Variants in UGGT1 observed in about 807,000 individuals in gnomAD.
The protein encoded by UGGT1 is UDP-glucose:glycoprotein glucosyltransferase 1.
In UGGT1, 107 loss-of-function variants were observed where a neutral mutation model predicts 203.9. That is an observed-to-expected ratio of 0.52 (90% CI 0.45 to 0.62). The LOEUF is 0.62. UGGT1 is among the 20% of genes least tolerant of loss of function. The pLI, the probability that UGGT1 is intolerant of heterozygous loss-of-function variation, is 0.00. For missense variants in UGGT1, 1,673 were observed against 1,867.2 expected, an observed-to-expected ratio of 0.90 and a Z score of 1.92; for synonymous variants, 628 against 653.5, an observed-to-expected ratio of 0.96 and a Z score of 0.59.
intron 4 of UGGT1, 21 bp from the exon 5 acceptor site, chr2:128,109,613 G>A (rs771067308): frequency 6.1e-5 from 96 of 1,574,624 alleles, no homozygotes; most frequent in Non-Finnish European, 6.6e-5. Context: ...TAAAAAGTAT[G>A]TGTTGTGTCT....
At chr2:128,151,629 G>A (rs909302030) in intron 18 of UGGT1, among the ~76,000 whole-genome samples, 1 of 152,116 alleles carries the variant, frequency 6.6e-6, no homozygotes, top group Non-Finnish European at 1.5e-5. Flanking sequence ...ATGACTTCAG[G>A]TCGGGCACGG....
At chr2:128,132,905 T>C (rs1688951454) in intron 13 of UGGT1, among the ~76,000 whole-genome samples, 1 of 151,960 alleles carries the variant, frequency 6.6e-6, no homozygotes. Flanking sequence ...GGGGGTCTCA[T>C]AATATTGCCC....
intron 6 of UGGT1, among the ~76,000 whole-genome samples, chr2:128,114,431 T>C (rs1688002838): frequency 6.6e-6 from 1 of 152,124 alleles, no homozygotes; most frequent in Non-Finnish European, 1.5e-5. Context: ...AAATTTTAAA[T>C]GAAAATTTGT....
intron 25 of UGGT1, among the ~76,000 whole-genome samples, chr2:128,163,284 A>G (rs1384824500): frequency 8.2e-6 from 1 of 122,226 alleles, no homozygotes; most frequent in Non-Finnish European, 1.8e-5. Context: ...TAGGAAATGT[A>G]TGTAGGCTTA....
Position 128,165,225 on chromosome 2 carries a change from G to A in UGGT1, c.2921+400G>A, listed in dbSNP as rs1328341754. On this transcript the variant is annotated intron_variant, in intron 26 of 40. Coordinates refer to ENST00000259253, the MANE Select transcript of UGGT1 (RefSeq NM_020120.4). ...GAGGATCGCTTGAGCCCAGAAGCTC[G>A]AGACCAGCAAACAAAGGGAGACCCT... Among the ~76,000 whole-genome samples the A allele has an allele frequency of 3.3e-5, 5 of 152,270 alleles. No homozygotes were observed. The South Asian group carries it at 6.2e-4, about 19-fold the overall frequency.
intron 39 of UGGT1, 144 bp from the exon 40 acceptor site, chr2:128,187,305 A>T: frequency 1.2e-6 from 1 of 832,532 alleles, no homozygotes; most frequent in Non-Finnish European, 1.8e-6. Flanking sequence ...ATAGCCCACT[A>T]CCATATTGCT....
intron 16 of UGGT1, among the ~76,000 whole-genome samples, chr2:128,142,601 A>G (rs910805390): frequency 6.6e-6 from 1 of 150,472 alleles, no homozygotes; most frequent in African/African-American, 2.4e-5. Context: ...AAAAAAAAAA[A>G]GAATATTTAA....
chr2:128,144,356 A>G (rs1378450713), intron 17 of UGGT1, among the ~76,000 whole-genome samples: 4 of 152,142 alleles, frequency 2.6e-5, no homozygotes, highest in Admixed American at 1.3e-4. Flanking sequence ...CTTGTAAACT[A>G]TTTCTGAGTG....
chr2:128,091,393 C>T lies in UGGT1; in HGVS notation c.36C>T (p.Ala12=). 2 of 1,578,286 alleles carry T rather than the reference C, an allele frequency of 1.3e-6. No homozygotes were observed. Among genetic ancestry groups the T allele is most frequent in the African/African-American group, 1.3e-5 (1 of 74,302 alleles). The part of the protein sequence containing the change: ...GCKGDASGAC[A]AGALPVTGVC... ...AGGGAGACGCGAGCGGTGCGTGTGC[C>T]GCGGGTGCGCTGCCGGTGACAGGTA... Residue 12 remains alanine (A), a synonymous_variant, in exon 1 of 41, where the codon GCC becomes GCT. Coordinates refer to ENST00000259253, the MANE Select transcript of UGGT1 (RefSeq NM_020120.4).
intron 22 of UGGT1, 139 bp from the exon 23 acceptor site, chr2:128,159,375 A>G (rs1371008637): frequency 4.0e-6 from 3 of 757,132 alleles, no homozygotes; most frequent in Non-Finnish European, 6.4e-6. Flanking sequence ...CTGGGATTAC[A>G]GGCATGAGCC....
At chr2:128,098,738 G>C (rs1047037082) in intron 2 of UGGT1, among the ~76,000 whole-genome samples, 24 of 142,744 alleles carry the variant, frequency 1.7e-4, no homozygotes, top group African/African-American at 6.1e-4. Flanking sequence ...AGCAGAGCAA[G>C]ACTCCGTCTC....
Position 128,163,629 on chromosome 2 carries a change from G to C in UGGT1, c.2826-1101G>C, listed in dbSNP as rs113687817. On this transcript the variant is annotated intron_variant, in intron 25 of 40. Transcript: ENST00000259253. ...ACTCAGGAGGCTGAGGCAGGAGAAT[G>C]GCGTGAACCCGGGAGGCAGAGCTTG... is the stretch of plus-strand genomic sequence containing the variant. Among the ~76,000 whole-genome samples the C allele has an allele frequency of 4.8e-3, 734 of 151,986 alleles. 9 individuals are homozygous for C. Among genetic ancestry groups the C allele is most frequent in the African/African-American group, 0.017 (701 of 41,466 alleles).
intron 6 of UGGT1, 47 bp downstream of exon 6, chr2:128,113,305 G>C (rs1379178183): frequency 1.4e-6 from 2 of 1,464,486 alleles, no homozygotes; most frequent in Non-Finnish European, 1.8e-6. Flanking sequence ...AATTTGCCTA[G>C]CATGACTTTA....
chr2:128,139,029 A>G lies in UGGT1; in HGVS notation c.1719+177A>G, dbSNP rs73955941. ...ATGGATCTGAGGAAGGGCAAAGCAA[A>G]GTGGCAGGGATGCCAGTTGATGAGC... On this transcript the variant is annotated intron_variant, in intron 16 of 40. Coordinates refer to ENST00000259253, the MANE Select transcript of UGGT1 (RefSeq NM_020120.4). Among the ~76,000 whole-genome samples, 773 of 152,324 alleles carry G rather than the reference A, an allele frequency of 5.1e-3. 10 individuals carry two copies. Among genetic ancestry groups the G allele is most frequent in the African/African-American group, 0.016 (682 of 41,576 alleles).
intron 31 of UGGT1, among the ~76,000 whole-genome samples, chr2:128,176,019 G>A (rs1044776398): frequency 5.3e-5 from 8 of 152,330 alleles, no homozygotes; most frequent in Middle Eastern, 3.4e-3. Flanking sequence ...TTCTGGTAGC[G>A]TATAGACACC....
At chr2:128,126,802 C>A (rs908742148) in intron 11 of UGGT1, among the ~76,000 whole-genome samples, 9 of 150,018 alleles carry the variant, frequency 6.0e-5, no homozygotes, top group Admixed American at 1.3e-4. Context: ...TGTGCCTCAG[C>A]CTCCTAGGCA....
At chr2:128,136,631 G>T (rs79614747) in intron 15 of UGGT1, among the ~76,000 whole-genome samples, 4 of 152,290 alleles carry the variant, frequency 2.6e-5, no homozygotes, top group Non-Finnish European at 5.9e-5. Flanking sequence ...TACCTTGGTT[G>T]CCTACAAGTT....
chr2:128,115,051 C>G, intron 6 of UGGT1, 73 bp from the exon 7 acceptor site: 2 of 1,358,796 alleles, frequency 1.5e-6, no homozygotes, highest in Non-Finnish European at 2.1e-6. Flanking sequence ...GCAACATTAA[C>G]ATGGTCATGC....
At chr2:128,148,369 T>C (rs1277263228) in intron 18 of UGGT1, among the ~76,000 whole-genome samples, 1 of 152,218 alleles carries the variant, frequency 6.6e-6, no homozygotes, top group Non-Finnish European at 1.5e-5. Flanking sequence ...TGTGCCACCA[T>C]GCTCGGCCCT....
Sources: gnomAD v4.1 joint callset for allele counts (sites outside exome capture counted in the v4.1 genomes callset) on GRCh38, gnomAD v4.1.1 for gene constraint, MANE v1.5 for transcripts, NCBI Gene and HGNC (gene_info 2026-07-23, HGNC 2026-07-21) for gene names.